ATN1: variants seen among roughly 807,000 people sequenced by gnomAD.
ATN1 encodes atrophin-1.
In ATN1, 19 loss-of-function variants were observed where a neutral mutation model predicts 85.8. The ratio of observed to expected loss-of-function variants is 0.22; its 90% CI spans 0.15 to 0.32. ATN1 has a LOEUF of 0.32. Ranked by LOEUF, ATN1 falls within the 10% of genes least tolerant of loss-of-function variation. The pLI, the probability that ATN1 is intolerant of heterozygous loss-of-function variation, is 1.00. For synonymous variants in ATN1, 674 were observed against 657.0 expected, an observed-to-expected ratio of 1.03 and a Z score of -0.39; for missense variants, 1,453 against 1,564.5, an observed-to-expected ratio of 0.93 and a Z score of 1.20.
intron 1 of ATN1, among the ~76,000 whole-genome samples, chr12:6,929,851 T>C (rs1013723066): frequency 5.3e-5 from 8 of 152,242 alleles, no homozygotes; most frequent in African/African-American, 1.9e-4. Flanking sequence ...TAGAGTTGTC[T>C]TTTTGCTTCT....
upstream of ATN1, among the ~76,000 whole-genome samples, chr12:6,927,665 C>G (rs1017618197): frequency 1.3e-5 from 2 of 151,836 alleles, no homozygotes; most frequent in South Asian, 2.1e-4. Context: ...TCTCTCCCCC[C>G]TCGCGGCTTG....
At chr12:6,930,447 TTTCTAG>T (rs1555142947) in intron 1 of ATN1, among the ~76,000 whole-genome samples, 1 of 152,178 alleles carries the variant, frequency 6.6e-6, no homozygotes, top group Non-Finnish European at 1.5e-5. Context: ...AGGGGCTCTT[TTTCTAG>T]TTCTCACTTT....
At chr12:6,939,476 T>G (rs1180371344) in intron 7 of ATN1, among the ~76,000 whole-genome samples, 1 of 152,210 alleles carries the variant, frequency 6.6e-6, no homozygotes. Context: ...CACAGCCCCA[T>G]TCTCCCAAGC....
intron 7 of ATN1, among the ~76,000 whole-genome samples, chr12:6,940,326 C>T (rs781820822): frequency 3.3e-5 from 5 of 152,056 alleles, no homozygotes; most frequent in Non-Finnish European, 7.4e-5. Context: ...AGTGCAGTGG[C>T]GCGATCTCGG....
intron 1 of ATN1, among the ~76,000 whole-genome samples, chr12:6,933,100 T>C (rs1333110742): frequency 6.6e-6 from 1 of 152,204 alleles, no homozygotes; most frequent in African/African-American, 2.4e-5. Flanking sequence ...ACCTATATAA[T>C]GAGGGTAATA....
At position 6,934,304 on chromosome 12, in the gene ATN1, G is replaced by C. The variant is rs782438436; in HGVS notation, c.156G>C (p.Gln52His). 1.3e-6 allele frequency: 2 copies of C among 1,569,482 alleles called. No individual in the cohort carries two copies. The highest frequency in any genetic ancestry group is 1.7e-6 in the Non-Finnish European group (2 of 1,164,018). Reference protein sequence around the residue: ...SSDGKAEKSRQTAKKARVEEA... With the variant: ...SSDGKAEKSRHTAKKARVEEA... ...ATGGCAAAGCTGAGAAGTCCAGGCA[G>C]ACAGCCAAGGTATTCTGTCCTCAGG... Residue 52 changes from glutamine (Q) to histidine (H), a missense_variant, in exon 3 of 10, where the codon CAG (glutamine) becomes CAC (histidine). Around this residue, in one of 6 missense-constraint regions of ATN1, gnomAD observed 130 missense variants for 158.2 expected, o/e 0.82. Transcript: ENST00000396684. The surrounding 1 kb of genome is among the most constrained non-coding windows in gnomAD (Gnocchi z 4.5).
upstream of ATN1, among the ~76,000 whole-genome samples, chr12:6,927,282 G>C (rs960080390): frequency 2.0e-5 from 3 of 151,328 alleles, no homozygotes; most frequent in Admixed American, 2.0e-4. Flanking sequence ...CATTCTCTCT[G>C]ATAATAGCCC....
rs1407322286 is a variant in ATN1, at chr12:6,935,450, G to C, written c.280-97G>C. 1.5e-6 allele frequency: 2 copies of C among 1,332,530 alleles called. No homozygotes were observed. Among genetic ancestry groups the C allele is most frequent in the African/African-American group, 2.9e-5 (2 of 68,526 alleles). The allele number at this position is 1,332,530 out of a possible 1,614,324, so 82.5% of individuals were successfully genotyped here. A position where few individuals can be genotyped will look rare whatever the true frequency, so the allele number is the denominator to read the frequency against. ...GTACTCACCACATCACAGTACAACA[G>C]TGTGCTGTGAGGGGAAATGATTTTA... is the stretch of plus-strand genomic sequence containing the variant. On this transcript the variant is annotated intron_variant, in intron 4 of 9. Transcript: ENST00000396684. The surrounding 1 kb of genome is among the most constrained non-coding windows in gnomAD (Gnocchi z 5.3).
At position 6,934,555 on chromosome 12, in the gene ATN1, G is replaced by A. The variant is rs1240192832; in HGVS notation, c.256G>A (p.Ala86Thr). ...ISESESEETN[A>T]PKKTKTEQEL... Reference sequence around the variant, plus strand: ...AGAGAGTGAAAGTGAGGAGACCAATGCACCAAAAAAGACCAAAACTGAGGT... The same window carrying A: ...AGAGAGTGAAAGTGAGGAGACCAATACACCAAAAAAGACCAAAACTGAGGT... Residue 86 changes from alanine to threonine, a missense_variant, in exon 4 of 10, where the codon GCA (alanine) becomes ACA (threonine). This residue lies in a region of ATN1 where 130 missense variants were observed against 158.2 expected (regional missense o/e 0.82). Coordinates refer to ENST00000396684, the MANE Select transcript of ATN1 (RefSeq NM_001940.4). The surrounding 1 kb of genome is among the most constrained non-coding windows in gnomAD (Gnocchi z 4.5). The A allele has an allele frequency of 1.3e-6, 2 of 1,567,222 alleles. No individual in the cohort carries two copies. Among genetic ancestry groups the A allele is most frequent in the East Asian group, 2.4e-5 (1 of 41,926 alleles).
chr12:6,937,094 C>T lies in ATN1; in HGVS notation c.1827C>T (p.Thr609=). The T allele has an allele frequency of 6.2e-7, 1 of 1,612,726 alleles. No homozygotes were observed. The highest frequency in any genetic ancestry group is 8.5e-7 in the Non-Finnish European group (1 of 1,180,014). The change falls in exon 5 of 10, where the codon ACC becomes ACT. Residue 609 remains threonine (T), a synonymous_variant. Transcript: ENST00000396684. This position sits in a 1 kb window ranked among gnomAD's most constrained non-coding sequence, Gnocchi z 6.0. ...YPFPPVPTVT[T]SSATLSTVIA... is the part of the protein sequence containing the mutation. Reference sequence around the variant, plus strand: ...TCCCACCGGTGCCTACGGTCACCACCTCTTCGGCTACCCTTTCCACGGTCA... The same window carrying T: ...TCCCACCGGTGCCTACGGTCACCACTTCTTCGGCTACCCTTTCCACGGTCA...
chr12:6,938,352 C>G (rs1555144192), intron 6 of ATN1, 129 bp from the exon 7 acceptor site: 2 of 1,367,672 alleles, frequency 1.5e-6, no homozygotes, highest in East Asian at 2.5e-5. Context: ...CAGTTAAGTT[C>G]CAGGTGGGCA....
chr12:6,930,843 A>C (rs1945453061), intron 1 of ATN1, among the ~76,000 whole-genome samples: 1 of 152,136 alleles, frequency 6.6e-6, no homozygotes, highest in Admixed American at 6.6e-5. Flanking sequence ...AAAGCAAGGT[A>C]ATGAAGGTGA....
At chr12:6,933,619 C>G (rs1313406438) in intron 1 of ATN1, among the ~76,000 whole-genome samples, 9 of 152,166 alleles carry the variant, frequency 5.9e-5, no homozygotes, top group African/African-American at 1.9e-4. Flanking sequence ...ATTTTCTGCC[C>G]TCTACAGAGA....
rs1555143980 is a variant in ATN1, at chr12:6,937,429, T to C, written c.2162T>C (p.Leu721Pro). Residue 721 changes from leucine to proline, a missense_variant, in exon 5 of 10, where the codon CTG becomes CCG. Leu to Pro is a moderately conservative substitution (Grantham distance 98). This residue lies in a region of ATN1 where 990 missense variants were observed against 914.8 expected (regional missense o/e 1.08). Transcript: ENST00000396684. The surrounding 1 kb of genome is among the most constrained non-coding windows in gnomAD (Gnocchi z 6.0). Reference protein sequence around the residue: ...PPAAPASGPPLSATQIKQEPA... With the variant: ...PPAAPASGPPPSATQIKQEPA... ...GCGGCCCCTGCCTCAGGGCCGCCCCTGAGCGCCACGCAGATCAAACAGGAG... is the reference window on the plus strand; with the variant it reads ...GCGGCCCCTGCCTCAGGGCCGCCCCCGAGCGCCACGCAGATCAAACAGGAG... 2.1e-5 allele frequency: 33 copies of C among 1,547,152 alleles called. No homozygotes were observed. The highest frequency in any genetic ancestry group is 2.9e-5 in the Non-Finnish European group (33 of 1,147,364).
upstream of ATN1, among the ~76,000 whole-genome samples, chr12:6,926,912 C>T (rs1175008350): frequency 1.3e-5 from 2 of 152,070 alleles, no homozygotes; most frequent in African/African-American, 2.4e-5. Flanking sequence ...CTCCTCGGCT[C>T]TACTGGGAGC....
In ATN1 at chr12:6,941,308, TC is replaced by T; in HGVS notation, c.3359-62del. On this transcript the variant is annotated intron_variant, in intron 8 of 9. Transcript: ENST00000396684. The surrounding 1 kb of genome is among the most constrained non-coding windows in gnomAD (Gnocchi z 5.9). ...CCTTTGTATGTAAAGGAGCTGGCTA[TC>T]CCCTGGTCCAGAGCAGGTACTTGTT... 6.6e-7 allele frequency: 1 copy of T among 1,508,002 alleles called. No individual in the cohort carries two copies. The allele number at this position is 1,508,002 out of a possible 1,614,324, so 93.4% of individuals were successfully genotyped here.
rs1857044408 is a variant in ATN1, at chr12:6,941,940, C to A, written c.*160C>A. 2.7e-6 allele frequency: 2 copies of A among 730,478 alleles called. No homozygotes were observed. Among genetic ancestry groups the A allele is most frequent in the Admixed American group, 2.4e-5 (1 of 41,380 alleles). 45.2% of individuals were successfully genotyped at this position (730,478 alleles called of 1,614,324 possible). A position where few individuals can be genotyped will look rare whatever the true frequency, so the allele number is the denominator to read the frequency against. On this transcript the variant is annotated 3_prime_UTR_variant, in exon 10 of 10. Transcript: ENST00000396684. This position sits in a 1 kb window ranked among gnomAD's most constrained non-coding sequence, Gnocchi z 5.9. ...AGAGAGTGGGGGAGGGAGGGACAGA[C>A]AGAAGGCCAAGGCCCGATGTGGTGT...
intron 1 of ATN1, among the ~76,000 whole-genome samples, chr12:6,931,519 G>A (rs1555143052): frequency 6.8e-6 from 1 of 146,102 alleles, no homozygotes; most frequent in East Asian, 2.2e-4. Context: ...TTCGAGACCA[G>A]CCTGGTCAAC....
intron 1 of ATN1, among the ~76,000 whole-genome samples, chr12:6,932,247 C>A (rs1418520557): frequency 6.6e-6 from 1 of 152,094 alleles, no homozygotes; most frequent in Non-Finnish European, 1.5e-5. Flanking sequence ...AAATACACTA[C>A]AGAATATGGA....
Sources: allele counts gnomAD v4.1 joint callset (sites outside exome capture counted in the v4.1 genomes callset), GRCh38; gene constraint gnomAD v4.1.1; regional missense constraint gnomAD v4.1.1; non-coding constraint Gnocchi (gnomAD v3.1); transcripts MANE v1.5; gene names NCBI Gene and HGNC (gene_info 2026-07-23, HGNC 2026-07-21).